The following ZFHX3 variants were observed in gnomAD, a reference collection of about 807,000 sequenced individuals.
ZFHX3 encodes zinc finger homeobox protein 3.
ZFHX3 carries 42 observed loss-of-function variants against 279.1 expected under a neutral mutation model. The observed-to-expected ratio is 0.15, with a 90% CI of 0.12 to 0.19. The LOEUF (loss-of-function observed/expected upper bound fraction) is 0.19, where lower values mean the gene tolerates loss of function less well. Among genes scored for constraint, ZFHX3 ranks in the 10% least tolerant of loss-of-function variants. The pLI is 1.00. For missense variants in ZFHX3, 4,981 were observed against 4,754.0 expected (o/e 1.05, Z -1.40); for synonymous variants, 2,293 against 1,957.8 (o/e 1.17, Z -4.52).
intron 5 of ZFHX3, among the ~76,000 whole-genome samples, chr16:73,190,912 ATT>A (rs5817836): frequency 0.5 from 75,069 of 149,610 alleles, 20,794 homozygotes; most frequent in African/African-American, 0.76. Context: ...GAGGGACTGG[ATT>A]TTTTTTTTTT....
chr16:73,323,967 C>A (rs570782387), intron 3 of ZFHX3, among the ~76,000 whole-genome samples: 1 of 152,338 alleles, frequency 6.6e-6, no homozygotes, highest in East Asian at 1.9e-4. Context: ...TCCATGGGAG[C>A]CATGACTGCT....
intron 2 of ZFHX3, among the ~76,000 whole-genome samples, chr16:73,674,213 C>T (rs943723806): frequency 2.0e-5 from 3 of 151,800 alleles, no homozygotes; most frequent in Admixed American, 6.6e-5. Context: ...GTAAAATAGA[C>T]GTCACTATAA....
chr16:73,305,239 T>C (rs1051503722), intron 4 of ZFHX3, among the ~76,000 whole-genome samples: 1 of 151,904 alleles, frequency 6.6e-6, no homozygotes, highest in African/African-American at 2.4e-5. Context: ...ACGGAAGCAA[T>C]TCACCAGGGG....
At chr16:72,913,475 G>A (rs1417481649) in intron 3 of ZFHX3, among the ~76,000 whole-genome samples, 1 of 152,184 alleles carries the variant, frequency 6.6e-6, no homozygotes, top group Non-Finnish European at 1.5e-5. Context: ...GATTTCTGGA[G>A]AGAATGCCAC....
intron 3 of ZFHX3, among the ~76,000 whole-genome samples, chr16:72,928,176 GGGGAGAGAGGGAGGGGGA>G (rs1290229763): frequency 8.6e-5 from 6 of 69,808 alleles, no homozygotes; most frequent in South Asian, 1.1e-3. Context: ...GGGAGGGGGA[GGGGAGAGAGGGAGGGGGA>G]GGGGAGCGAG....
chr16:72,936,258 T>C (rs974064252), intron 3 of ZFHX3, among the ~76,000 whole-genome samples: 4 of 152,318 alleles, frequency 2.6e-5, no homozygotes, highest in East Asian at 1.9e-4. Flanking sequence ...GTACCTGTTC[T>C]AGCACAGGGC....
chr16:72,833,333 C>T (rs1190773021), intron 4 of ZFHX3, among the ~76,000 whole-genome samples: 2 of 152,126 alleles, frequency 1.3e-5, no homozygotes, highest in Non-Finnish European at 2.9e-5. Context: ...CTTTTCCCCC[C>T]ACAGATCATG....
At chr16:73,688,797 G>T (rs757508283) in intron 1 of ZFHX3, among the ~76,000 whole-genome samples, 4 of 152,140 alleles carry the variant, frequency 2.6e-5, no homozygotes, top group Non-Finnish European at 5.9e-5. Flanking sequence ...CATGGGGGCG[G>T]GTCGTTCCCA....
intron 6 of ZFHX3, among the ~76,000 whole-genome samples, chr16:73,136,891 G>A (rs1966805878): frequency 1.3e-5 from 2 of 150,926 alleles, no homozygotes; most frequent in Admixed American, 6.7e-5. Flanking sequence ...GCATACTTGT[G>A]TAGCTAGCAG....
intron 2 of ZFHX3, among the ~76,000 whole-genome samples, chr16:73,571,747 T>C (rs1278864780): frequency 1.3e-5 from 2 of 152,184 alleles, no homozygotes; most frequent in Non-Finnish European, 2.9e-5. Context: ...GTGAAAACAC[T>C]AAGTCGAAAT....
intron 5 of ZFHX3, among the ~76,000 whole-genome samples, chr16:73,255,888 C>G (rs1012829553): frequency 6.6e-6 from 1 of 152,158 alleles, no homozygotes; most frequent in Non-Finnish European, 1.5e-5. Context: ...GCTGTTTGAT[C>G]TGGGGTCTCT....
chr16:72,795,073 A>G lies in ZFHX3; in HGVS notation c.7609T>C (p.Leu2537=), dbSNP rs752853484. 5.0e-6 allele frequency: 8 copies of G among 1,614,160 alleles called. No homozygotes were observed. Among genetic ancestry groups the G allele is most frequent in the Non-Finnish European group, 6.8e-6 (8 of 1,180,038 alleles). The part of the protein sequence containing the change: ...LIPYQCDQCK[L]AFPSFEHWQE... ...CAGTGCTCAAATGACGGAAATGCCA[A>G]CTTACACTGGTCACACTGGTAGGGG... The change falls in exon 9 of 10, where the codon TTG becomes CTG. Residue 2537 remains leucine, a synonymous_variant. Coordinates refer to ENST00000268489, the MANE Select transcript of ZFHX3 (RefSeq NM_006885.4).
intron 3 of ZFHX3, among the ~76,000 whole-genome samples, chr16:72,942,010 G>A (rs995016463): frequency 9.9e-5 from 15 of 152,140 alleles, no homozygotes; most frequent in Admixed American, 8.5e-4. Context: ...ACAGAATAAA[G>A]TACATGGTTC....
In ZFHX3 at chr16:73,303,272, C is replaced by T. The variant is rs531664789; in HGVS notation, c.-1194+14968G>A. 8.5e-5 allele frequency among the ~76,000 whole-genome samples: 13 copies of T among 152,236 alleles called. No individual in the cohort carries two copies. In the South Asian group the frequency reaches 2.3e-3, roughly 27 times the overall value. ...TGAACTCCTAGCTCCAAGCAATTCT[C>T]CCATCTCAGCCTCCCAAAGAGTTGG... On this transcript the variant is annotated intron_variant, in intron 4 of 17. Transcript: ENST00000641206.
At chr16:73,203,369 A>G (rs529674361) in intron 5 of ZFHX3, among the ~76,000 whole-genome samples, 19 of 152,260 alleles carry the variant, frequency 1.2e-4, no homozygotes, top group Admixed American at 7.8e-4. Context: ...GTCCTCTTGT[A>G]CTTTACATAC....
At chr16:73,241,811 A>C (rs868634268) in intron 5 of ZFHX3, among the ~76,000 whole-genome samples, 77 of 151,002 alleles carry the variant, frequency 5.1e-4, no homozygotes, top group African/African-American at 1.5e-3. Context: ...AAAAAAAAAA[A>C]AAAAGGAGTG....
intron 2 of ZFHX3, among the ~76,000 whole-genome samples, chr16:73,624,871 C>T (rs923358122): frequency 5.3e-5 from 8 of 152,116 alleles, no homozygotes; most frequent in African/African-American, 1.9e-4. Context: ...CATTTTTCCC[C>T]AAATCCGATC....
intron 4 of ZFHX3, among the ~76,000 whole-genome samples, chr16:72,834,878 C>T (rs2037148269): frequency 6.6e-6 from 1 of 151,968 alleles, no homozygotes; most frequent in Non-Finnish European, 1.5e-5. Context: ...GGGTATTCTA[C>T]GAATCACTTA....
chr16:73,640,760 C>T (rs193066233), intron 2 of ZFHX3, among the ~76,000 whole-genome samples: 9 of 152,094 alleles, frequency 5.9e-5, no homozygotes, highest in Admixed American at 1.3e-4. Context: ...AAACGAAAAC[C>T]GAGGTAAACA....
Sources: allele counts gnomAD v4.1 joint callset (sites outside exome capture counted in the v4.1 genomes callset), GRCh38; gene constraint gnomAD v4.1.1; transcripts MANE v1.5; gene names NCBI Gene and HGNC (gene_info 2026-07-23, HGNC 2026-07-21).